SHROOM3: variants seen among roughly 807,000 people sequenced by gnomAD.
SHROOM3 encodes shroom family member 3.
A neutral mutation model predicts 138.6 loss-of-function variants in SHROOM3; 47 were observed. That is an observed-to-expected ratio of 0.34 (90% CI 0.27 to 0.43). The LOEUF is 0.43. Among genes scored for constraint, SHROOM3 ranks in the 20% least tolerant of loss-of-function variants. The pLI is 1.00. For synonymous variants in SHROOM3, 1,062 were observed against 1,063.3 expected (o/e 1.00, Z 0.02); for missense variants, 2,491 against 2,596.5 (o/e 0.96, Z 0.88).
rs182052683 is a variant in SHROOM3, at chr4:76,668,044, C to T, written c.324-42112C>T. 4.0e-3 allele frequency among the ~76,000 whole-genome samples: 603 copies of T among 149,930 alleles called. 1 individual carries two copies. Among genetic ancestry groups the T allele is most frequent in the Middle Eastern group, 0.014 (4 of 292 alleles). On this transcript the variant is annotated intron_variant, in intron 2 of 10. Transcript: ENST00000296043. ...CGGGGAGGGAGCACATAATGTCACGCCCCCTCTCCCTTGTCCACCGCTGCA... is the reference window on the plus strand; with the variant it reads ...CGGGGAGGGAGCACATAATGTCACGTCCCCTCTCCCTTGTCCACCGCTGCA...
At chr4:76,738,118 C>T (rs1389149962) in intron 4 of SHROOM3, among the ~76,000 whole-genome samples, 3 of 151,246 alleles carry the variant, frequency 2.0e-5, no homozygotes, top group Admixed American at 6.6e-5. Context: ...GCTTCCCTCT[C>T]CTTCCCTCTT....
intron 2 of SHROOM3, among the ~76,000 whole-genome samples, chr4:76,593,083 A>G (rs1259575841): frequency 1.3e-5 from 2 of 152,218 alleles, no homozygotes; most frequent in Non-Finnish European, 2.9e-5. Context: ...CTTTTCTCCA[A>G]GCATATGAAG....
intron 2 of SHROOM3, among the ~76,000 whole-genome samples, chr4:76,670,395 A>G (rs1311905671): frequency 6.6e-6 from 1 of 152,182 alleles, no homozygotes; most frequent in African/African-American, 2.4e-5. Context: ...AGGAAAATCT[A>G]TAGAGACAAA....
intron 1 of SHROOM3, among the ~76,000 whole-genome samples, chr4:76,438,792 C>T (rs913759071): frequency 6.6e-5 from 10 of 151,400 alleles, no homozygotes; most frequent in Non-Finnish European, 1.5e-4. Context: ...AGCCTAGGTA[C>T]ACAAATGTTT....
At chr4:76,757,112 A>T (rs1721841792) in intron 8 of SHROOM3, 175 bp downstream of exon 8, 1 of 857,838 alleles carries the variant, frequency 1.2e-6, no homozygotes, top group Non-Finnish European at 1.8e-6. Flanking sequence ...TGTGGGACAG[A>T]TATGCAACAA....
At chr4:76,617,023 C>T (rs1473849577) in intron 2 of SHROOM3, among the ~76,000 whole-genome samples, 1 of 152,160 alleles carries the variant, frequency 6.6e-6, no homozygotes, top group African/African-American at 2.4e-5. Context: ...ACCTACTTTG[C>T]ATTTGAAAGG....
At chr4:76,638,685 C>G (rs1175447285) in intron 2 of SHROOM3, among the ~76,000 whole-genome samples, 1 of 152,164 alleles carries the variant, frequency 6.6e-6, no homozygotes, top group Non-Finnish European at 1.5e-5. Flanking sequence ...GAAGACCATT[C>G]CTTTTTATTT....
chr4:76,608,728 C>T (rs12512361), intron 2 of SHROOM3, among the ~76,000 whole-genome samples: 11,400 of 53,736 alleles, frequency 0.21, 1,615 homozygotes, highest in East Asian at 0.4. Flanking sequence ...CAGCACAGCA[C>T]AGCATAGCAT....
chr4:76,740,764 G>C lies in SHROOM3; in HGVS notation c.2591G>C (p.Gly864Ala). The change falls in exon 5 of 11, where the codon GGT becomes GCT. Residue 864 changes from glycine to alanine, a missense_variant. Coordinates refer to ENST00000296043, the MANE Select transcript of SHROOM3 (RefSeq NM_020859.4). This position sits in a 1 kb window ranked among gnomAD's most constrained non-coding sequence, Gnocchi z 4.0. The part of the protein sequence containing the change: ...KLEEASRQPC[G>A]QQLSGGASDS... ...GAAGAGGCTTCCCGGCAGCCCTGCG[G>C]TCAGCAGCTGAGCGGAGGAGCGTCG... 6.2e-7 allele frequency: 1 copy of C among 1,612,856 alleles called. No individual in the cohort carries two copies. The highest frequency in any genetic ancestry group is 1.1e-5 in the South Asian group (1 of 91,082).
intron 2 of SHROOM3, among the ~76,000 whole-genome samples, chr4:76,628,659 T>A (rs1735216379): frequency 6.6e-6 from 1 of 152,176 alleles, no homozygotes; most frequent in Admixed American, 6.5e-5. Context: ...AGATAGTAAA[T>A]GTTAAACATA....
Position 76,739,789 on chromosome 4 carries a change from T to C in SHROOM3, c.1616T>C (p.Leu539Pro). 1 of 1,614,224 alleles carries C rather than the reference T, an allele frequency of 6.2e-7. No homozygotes were observed. ...TGCCAGCCCTTAGAACATGACTTGC[T>C]GTCCCCAGTGGAGAAGAAACCAGAA... ...AFCQPLEHDLLSPVEKKPEAT... is the reference protein window; with the variant it reads ...AFCQPLEHDLPSPVEKKPEAT... The change falls in exon 5 of 11, where the codon CTG becomes CCG. Residue 539 changes from leucine to proline, a missense_variant. By Grantham distance (98) the Leu-to-Pro change is moderately conservative (BLOSUM62 -3). Coordinates refer to ENST00000296043, the MANE Select transcript of SHROOM3 (RefSeq NM_020859.4).
chr4:76,754,151 T>G (rs1721723665), intron 6 of SHROOM3, among the ~76,000 whole-genome samples, 160 bp from the exon 7 acceptor site: 1 of 152,206 alleles, frequency 6.6e-6, no homozygotes, highest in South Asian at 2.1e-4. Flanking sequence ...AACTTGGGTC[T>G]TCCTGTGAGC....
intron 3 of SHROOM3, among the ~76,000 whole-genome samples, chr4:76,721,108 G>A (rs1397132355): frequency 2.0e-5 from 3 of 151,636 alleles, no homozygotes; most frequent in African/African-American, 4.8e-5. Flanking sequence ...TCAGGAGATC[G>A]AGACCATCCC....
At chr4:76,458,205 G>T (rs1219092455) in intron 1 of SHROOM3, among the ~76,000 whole-genome samples, 1 of 152,170 alleles carries the variant, frequency 6.6e-6, no homozygotes, top group Non-Finnish European at 1.5e-5. Context: ...ATATATTTTT[G>T]AGTAAGAGAA....
chr4:76,561,706 A>AAAAAG (rs1022351155), intron 2 of SHROOM3, among the ~76,000 whole-genome samples: 16 of 150,964 alleles, frequency 1.1e-4, no homozygotes, highest in African/African-American at 3.9e-4. Flanking sequence ...AAAAAAAAAA[A>AAAAAG]AGAGAGAGAG....
chr4:76,666,054 C>G (rs2110095378), intron 2 of SHROOM3, among the ~76,000 whole-genome samples: 1 of 152,242 alleles, frequency 6.6e-6, no homozygotes, highest in East Asian at 1.9e-4. Context: ...CCCTTAGGAC[C>G]CCTATGGATT....
At position 76,730,936 on chromosome 4, in the gene SHROOM3, GT is replaced by G. The variant is rs1560604542; in HGVS notation, c.587+2del. The stretch of plus-strand genomic sequence containing the variant: ...CTTGGCACCAAAGCTACCATTCCAG[GT>G]AAGTGGCTATAGCTGAGACTGAAGG... On this transcript the variant is annotated splice_donor_variant, in intron 4 of 10. Coordinates refer to ENST00000296043, the MANE Select transcript of SHROOM3 (RefSeq NM_020859.4). LOFTEE classifies it high-confidence loss of function. The G allele has an allele frequency of 6.2e-7, 1 of 1,614,018 alleles. No individual in the cohort carries two copies. The highest frequency in any genetic ancestry group is 8.5e-7 in the Non-Finnish European group (1 of 1,179,968).
intron 2 of SHROOM3, among the ~76,000 whole-genome samples, chr4:76,700,759 T>C (rs1234647833): frequency 6.6e-6 from 1 of 151,732 alleles, no homozygotes; most frequent in African/African-American, 2.4e-5. Flanking sequence ...ATATCTTTTT[T>C]TTTTCTTTCT....
At chr4:76,729,332 C>T (rs1720805711) in intron 3 of SHROOM3, among the ~76,000 whole-genome samples, 2 of 152,068 alleles carry the variant, frequency 1.3e-5, no homozygotes, top group Non-Finnish European at 2.9e-5. Context: ...ATTTTTCTCA[C>T]TTTTCCTGAC....
Sources: gnomAD v4.1 joint callset for allele counts (sites outside exome capture counted in the v4.1 genomes callset) on GRCh38, gnomAD v4.1.1 for gene constraint, Gnocchi (gnomAD v3.1) non-coding constraint, MANE v1.5 for transcripts, NCBI Gene and HGNC (gene_info 2026-07-23, HGNC 2026-07-21) for gene names.